The following CCDC158 variants were observed in gnomAD, a reference collection of about 807,000 sequenced individuals.
The protein encoded by CCDC158 is coiled-coil domain containing 158.
CCDC158 carries 116 observed loss-of-function variants against 138.6 expected under a neutral mutation model. The ratio of observed to expected loss-of-function variants is 0.84; its 90% CI spans 0.72 to 0.98. The LOEUF is 0.98. CCDC158 is among the 50% of genes least tolerant of loss of function. CCDC158 has a pLI of 0.00. For synonymous variants in CCDC158, 436 were observed against 442.4 expected (o/e 0.99, Z 0.18); for missense variants, 1,265 against 1,306.1 (o/e 0.97, Z 0.48).
At chr4:76,399,923 T>G (rs912488744) in intron 3 of CCDC158, among the ~76,000 whole-genome samples, 1 of 152,130 alleles carries the variant, frequency 6.6e-6, no homozygotes, top group Non-Finnish European at 1.5e-5. Flanking sequence ...AAGCTGACTC[T>G]TCCATTGAGC....
At chr4:76,416,891 C>A (rs1729742186) in intron 1 of CCDC158, among the ~76,000 whole-genome samples, 1 of 152,216 alleles carries the variant, frequency 6.6e-6, no homozygotes, top group Non-Finnish European at 1.5e-5. Flanking sequence ...TTGGAACCCC[C>A]ACACAGAGTC....
rs145723020 is a variant in CCDC158, at chr4:76,398,837, C to CAGAG, written c.71-2355_71-2352dup. On this transcript the variant is annotated intron_variant, in intron 3 of 24. Transcript: ENST00000682701. Reference sequence around the variant, plus strand: ...TAAAGCCAATGCCATGAGAAACATACAGAGAGAGAGAGAGAGCGAATGGTT... The same window carrying CAGAG: ...TAAAGCCAATGCCATGAGAAACATACAGAGAGAGAGAGAGAGAGAGCGAATGGTT... Among the ~76,000 whole-genome samples, 570 of 149,452 alleles carry CAGAG rather than the reference C, an allele frequency of 3.8e-3. 1 individual carries two copies. The highest frequency in any genetic ancestry group is 0.015 in the South Asian group (68 of 4,684).
At chr4:76,411,892 C>T (rs943247596) in intron 2 of CCDC158, among the ~76,000 whole-genome samples, 198 bp downstream of exon 2, 1 of 152,204 alleles carries the variant, frequency 6.6e-6, no homozygotes, top group Non-Finnish European at 1.5e-5. Flanking sequence ...TGAACATAGT[C>T]TGAAAACCAC....
At chr4:76,347,672 G>A (rs918598911) in intron 18 of CCDC158, among the ~76,000 whole-genome samples, 8 of 152,004 alleles carry the variant, frequency 5.3e-5, no homozygotes, top group Admixed American at 2.6e-4. Flanking sequence ...AAACCTGCAC[G>A]TTCTGCACAT....
chr4:76,364,874 G>A (rs1578982698), intron 12 of CCDC158, among the ~76,000 whole-genome samples: 2 of 152,168 alleles, frequency 1.3e-5, no homozygotes, highest in East Asian at 3.8e-4. Context: ...AGGATTGGTG[G>A]GGAGCCCCAG....
intron 14 of CCDC158, among the ~76,000 whole-genome samples, chr4:76,356,313 A>G (rs886281467): frequency 1.3e-5 from 2 of 152,204 alleles, no homozygotes; most frequent in Non-Finnish European, 2.9e-5. Flanking sequence ...ACTTTGAAGA[A>G]TTATGGTCTG....
intron 18 of CCDC158, among the ~76,000 whole-genome samples, chr4:76,334,571 G>T (rs1721296257): frequency 6.6e-6 from 1 of 152,146 alleles, no homozygotes; most frequent in Admixed American, 6.5e-5. Flanking sequence ...GAATTAAGGA[G>T]CTATTTAGAG....
chr4:76,333,514 G>A (rs1721188870), intron 19 of CCDC158, among the ~76,000 whole-genome samples: 1 of 152,152 alleles, frequency 6.6e-6, no homozygotes, highest in South Asian at 2.1e-4. Flanking sequence ...TTACTAATAT[G>A]ATATAATCAA....
chr4:76,320,323 C>T (rs10034191), intron 24 of CCDC158, among the ~76,000 whole-genome samples: 4,468 of 152,178 alleles, frequency 0.029, 219 homozygotes, highest in African/African-American at 0.1. Context: ...CATTTCATGC[C>T]CATGGATGGG....
chr4:76,407,175 G>A (rs1372721034), intron 2 of CCDC158: 1 of 151,956 alleles, frequency 6.6e-6, no homozygotes, highest in Non-Finnish European at 1.5e-5. Flanking sequence ...AAAAAACCCT[G>A]AGCTTAACAG....
At chr4:76,386,053 A>C (rs1394977953) in intron 4 of CCDC158, among the ~76,000 whole-genome samples, 1 of 152,244 alleles carries the variant, frequency 6.6e-6, no homozygotes, top group Non-Finnish European at 1.5e-5. Flanking sequence ...AGACATGCAA[A>C]GATGCATAAA....
intron 2 of CCDC158, among the ~76,000 whole-genome samples, chr4:76,410,008 G>A (rs1252834446): frequency 6.6e-6 from 1 of 151,894 alleles, no homozygotes; most frequent in Non-Finnish European, 1.5e-5. Flanking sequence ...CTGAGATAAA[G>A]CGTTTAAAAG....
At chr4:76,359,775 A>C (rs1723950186) in intron 13 of CCDC158, among the ~76,000 whole-genome samples, 1 of 152,264 alleles carries the variant, frequency 6.6e-6, no homozygotes, top group Non-Finnish European at 1.5e-5. Flanking sequence ...TATATTTAAA[A>C]GGGAAGTAGA....
chr4:76,405,086 T>C (rs1728710523), intron 2 of CCDC158, among the ~76,000 whole-genome samples: 1 of 152,162 alleles, frequency 6.6e-6, no homozygotes, highest in African/African-American at 2.4e-5. Context: ...CTCTGAGACA[T>C]ACACTAGTAA....
Position 76,367,663 on chromosome 4 carries a change from C to T in CCDC158, c.1461G>A (p.Lys487=). The T allele has an allele frequency of 6.2e-7, 1 of 1,614,200 alleles. No individual in the cohort carries two copies. Among genetic ancestry groups the T allele is most frequent in the Non-Finnish European group, 8.5e-7 (1 of 1,180,040 alleles). ...TCTCTGAGCTCTCCAGAGTCATTTT[C>T]TTGGCTGTCAACTCTTCTACTACTT... is the stretch of plus-strand genomic sequence containing the variant. ...LRKVVEELTA[K]KMTLESSERT... Residue 487 remains lysine (K), a synonymous_variant, in exon 12 of 25, where the codon AAG becomes AAA. Transcript: ENST00000682701.
At chr4:76,386,902 A>G (rs1272590859) in intron 4 of CCDC158, among the ~76,000 whole-genome samples, 1 of 152,206 alleles carries the variant, frequency 6.6e-6, no homozygotes, top group Non-Finnish European at 1.5e-5. Flanking sequence ...GGAATGGTCC[A>G]TTTCAGTGGT....
chr4:76,331,470 G>T, intron 20 of CCDC158, 67 bp from the exon 21 acceptor site: 2 of 1,352,842 alleles, frequency 1.5e-6, no homozygotes, highest in Middle Eastern at 2.0e-4. Flanking sequence ...TATAACAAAA[G>T]TTTGTGAGAA....
intron 8 of CCDC158, among the ~76,000 whole-genome samples, chr4:76,381,314 T>C (rs28868899): frequency 0.027 from 4,050 of 152,288 alleles, 179 homozygotes; most frequent in African/African-American, 0.092. Context: ...GGCTGTACAA[T>C]GCAGAGCAAC....
At chr4:76,395,598 A>C (rs1560469141) in intron 4 of CCDC158, among the ~76,000 whole-genome samples, 2 of 152,316 alleles carry the variant, frequency 1.3e-5, no homozygotes, top group East Asian at 3.9e-4. Context: ...AAAGGCATGC[A>C]GGTCTGGAAT....
Sources: gnomAD v4.1 joint callset for allele counts (sites outside exome capture counted in the v4.1 genomes callset) on GRCh38, gnomAD v4.1.1 for gene constraint, MANE v1.5 for transcripts, NCBI Gene and HGNC (gene_info 2026-07-23, HGNC 2026-07-21) for gene names.